EIF4G3: variants seen among roughly 807,000 people sequenced by gnomAD.
EIF4G3 encodes the protein eukaryotic translation initiation factor 4 gamma 3.
Under a neutral mutation model 186.4 loss-of-function variants are expected in EIF4G3, and 34 were observed. The ratio of observed to expected loss-of-function variants is 0.18; its 90% CI spans 0.14 to 0.24. The LOEUF (loss-of-function observed/expected upper bound fraction) is 0.24. Among genes scored for constraint, EIF4G3 ranks in the 10% least tolerant of loss-of-function variants. The pLI, the probability that EIF4G3 is intolerant of heterozygous loss-of-function variation, is 1.00. For synonymous variants in EIF4G3, 673 were observed against 679.5 expected (o/e 0.99, Z 0.15); for missense variants, 1,536 against 1,948.5 (o/e 0.79, Z 3.99).
At chr1:21,167,229 A>G (rs909351265) in intron 2 of EIF4G3, among the ~76,000 whole-genome samples, 6 of 152,136 alleles carry the variant, frequency 3.9e-5, no homozygotes, top group African/African-American at 1.4e-4. Context: ...GGCTGTGTTC[A>G]TTTTCTATTC....
intron 2 of EIF4G3, among the ~76,000 whole-genome samples, chr1:21,102,196 A>T (rs892471013): frequency 6.6e-6 from 1 of 152,184 alleles, no homozygotes; most frequent in Non-Finnish European, 1.5e-5. Context: ...CATGTCTGTA[A>T]TCCCACCACT....
intron 10 of EIF4G3, among the ~76,000 whole-genome samples, chr1:20,979,756 C>CT (rs11370570): frequency 0.34 from 48,793 of 143,954 alleles, 8,755 homozygotes; most frequent in Non-Finnish European, 0.41. Flanking sequence ...ACTTTTCTGT[C>CT]TTTTTTTTTT....
At chr1:21,117,169 C>G (rs1446132002) in intron 2 of EIF4G3, among the ~76,000 whole-genome samples, 4 of 152,068 alleles carry the variant, frequency 2.6e-5, no homozygotes, top group African/African-American at 9.7e-5. Context: ...ATATGTCAAT[C>G]TGAACTGAGG....
chr1:20,924,734 A>G (rs534725279), intron 14 of EIF4G3, among the ~76,000 whole-genome samples: 85 of 152,144 alleles, frequency 5.6e-4, no homozygotes, highest in Non-Finnish European at 1.0e-3. Flanking sequence ...GCTAACTTCT[A>G]TATTTTTAGT....
At chr1:20,929,000 G>A (rs1318712151) in intron 14 of EIF4G3, among the ~76,000 whole-genome samples, 1 of 152,024 alleles carries the variant, frequency 6.6e-6, no homozygotes, top group Non-Finnish European at 1.5e-5. Flanking sequence ...GGTCTTTTGT[G>A]ACTTTTTTCA....
chr1:21,073,827 G>C, intron 3 of EIF4G3: 1 of 309,896 alleles, frequency 3.2e-6, no homozygotes, highest in South Asian at 2.8e-5. Context: ...TTTTAATGGA[G>C]ACAGGTTTTC....
chr1:20,874,218 G>A (rs1332990290), intron 20 of EIF4G3, among the ~76,000 whole-genome samples: 1 of 152,154 alleles, frequency 6.6e-6, no homozygotes, highest in African/African-American at 2.4e-5. Context: ...TAATGGGATT[G>A]TTGGGTCAAA....
chr1:21,001,974 G>A (rs1023505128), intron 5 of EIF4G3, among the ~76,000 whole-genome samples: 1 of 152,218 alleles, frequency 6.6e-6, no homozygotes, highest in Admixed American at 6.5e-5. Flanking sequence ...AAAGAGGGAT[G>A]TGAGATACAC....
At chr1:21,125,438 G>A (rs1461666835) in intron 2 of EIF4G3, among the ~76,000 whole-genome samples, 1 of 152,142 alleles carries the variant, frequency 6.6e-6, no homozygotes, top group Non-Finnish European at 1.5e-5. Flanking sequence ...TAGGCAATAG[G>A]CCAGGAGCAG....
At chr1:21,053,736 G>A (rs1297588486) in intron 3 of EIF4G3, among the ~76,000 whole-genome samples, 6 of 141,148 alleles carry the variant, frequency 4.3e-5, no homozygotes, top group South Asian at 2.3e-4. Flanking sequence ...GTCAGCCCCC[G>A]CCCGGCCAGC....
chr1:20,874,974 T>C (rs1337162086), intron 20 of EIF4G3, among the ~76,000 whole-genome samples: 1 of 152,122 alleles, frequency 6.6e-6, no homozygotes, highest in Non-Finnish European at 1.5e-5. Flanking sequence ...AGGACAGTGG[T>C]TACCTTTTTT....
intron 6 of EIF4G3, among the ~76,000 whole-genome samples, chr1:20,997,934 C>T (rs1010796671): frequency 6.7e-6 from 1 of 149,716 alleles, no homozygotes; most frequent in African/African-American, 2.5e-5. Flanking sequence ...AAAAAAAAAC[C>T]CTAAAATAAG....
At chr1:21,050,240 G>C (rs910192728) in intron 4 of EIF4G3, among the ~76,000 whole-genome samples, 1 of 152,156 alleles carries the variant, frequency 6.6e-6, no homozygotes, top group African/African-American at 2.4e-5. Context: ...CAGTAGGTCG[G>C]TGCAAGCTAA....
Position 21,002,792 on chromosome 1 carries a change from C to T in EIF4G3, c.-50G>A. 6.2e-7 allele frequency: 1 copy of T among 1,604,854 alleles called. No homozygotes were observed. Among genetic ancestry groups the T allele is most frequent in the Non-Finnish European group, 8.5e-7 (1 of 1,172,526 alleles). ...CAGCGTGGTTGGACCTGCATTCTGTCCAGAGGGATAAGGGGTCTGTCAAAA... is the reference window on the plus strand; with the variant it reads ...CAGCGTGGTTGGACCTGCATTCTGTTCAGAGGGATAAGGGGTCTGTCAAAA... On this transcript the variant is annotated 5_prime_UTR_variant, in exon 5 of 37. Coordinates refer to ENST00000602326, the MANE Select transcript of EIF4G3 (RefSeq NM_001391906.1).
At chr1:21,014,482 C>T (rs1350392320) in intron 4 of EIF4G3, among the ~76,000 whole-genome samples, 1 of 152,114 alleles carries the variant, frequency 6.6e-6, no homozygotes, top group African/African-American at 2.4e-5. Flanking sequence ...CACCATCCAT[C>T]GTCAAGTAGG....
chr1:20,847,238 C>T (rs767941841), intron 29 of EIF4G3, among the ~76,000 whole-genome samples: 4 of 152,096 alleles, frequency 2.6e-5, no homozygotes, highest in African/African-American at 4.8e-5. Context: ...TAATACATGC[C>T]GAATATGTAC....
At chr1:21,037,236 G>GAA (rs111345588) in intron 4 of EIF4G3, among the ~76,000 whole-genome samples, 7 of 107,786 alleles carry the variant, frequency 6.5e-5, no homozygotes, top group Non-Finnish European at 9.3e-5. Context: ...TCAGAAAAAG[G>GAA]AAAAAAAAAA....
At chr1:20,984,589 TACA>T in intron 7 of EIF4G3, among the ~76,000 whole-genome samples, 1 of 147,780 alleles carries the variant, frequency 6.8e-6, no homozygotes, top group Non-Finnish European at 1.5e-5. Context: ...CACACATATA[TACA>T]CTTTTTTTTT....
chr1:20,823,517 C>T (rs1381656272), intron 33 of EIF4G3, among the ~76,000 whole-genome samples: 6 of 151,944 alleles, frequency 3.9e-5, no homozygotes, highest in African/African-American at 9.7e-5. Flanking sequence ...GAGTAGCTTA[C>T]GACTACAGGT....
Sources: allele counts gnomAD v4.1 joint callset (sites outside exome capture counted in the v4.1 genomes callset), GRCh38; gene constraint gnomAD v4.1.1; transcripts MANE v1.5; gene names NCBI Gene and HGNC (gene_info 2026-07-23, HGNC 2026-07-21).